The following KCTD1 variants were observed in gnomAD, a reference collection of about 807,000 sequenced individuals.
The protein encoded by KCTD1 is BTB/POZ domain-containing protein KCTD1.
Under a neutral mutation model 66.0 loss-of-function variants are expected in KCTD1, and 24 were observed. That is an observed-to-expected ratio of 0.36 (90% CI 0.26 to 0.51). The LOEUF (loss-of-function observed/expected upper bound fraction) is 0.51. KCTD1 is among the 20% of genes least tolerant of loss of function. The pLI, the probability that KCTD1 is intolerant of heterozygous loss-of-function variation, is 0.95. For missense variants in KCTD1, 943 were observed against 1,205.2 expected (o/e 0.78, Z 3.22); for synonymous variants, 511 against 517.2 (o/e 0.99, Z 0.16).
At chr18:26,629,728 T>G (rs1438822780), upstream of KCTD1, among the ~76,000 whole-genome samples, 1 of 151,122 alleles carries the variant, frequency 6.6e-6, no homozygotes, top group Admixed American at 6.6e-5. Flanking sequence ...CCCCGCCTTT[T>G]TTTTTTTTTG....
In KCTD1 at chr18:26,600,493, G is replaced by C. The variant is rs73944646; in HGVS notation, c.-16+28654C>G. On this transcript the variant is annotated intron_variant, in intron 1 of 4. Transcript: ENST00000317932. ...TAGCAGACAGAGTGAAGCTGGCTGG[G>C]GGGGGTGCAGTGGTGTGTAGTGCTG... 3.9e-5 allele frequency among the ~76,000 whole-genome samples: 6 copies of C among 152,048 alleles called. No homozygotes were observed. In the East Asian group the frequency reaches 1.2e-3, roughly 29 times the overall value.
intron 1 of KCTD1, among the ~76,000 whole-genome samples, chr18:26,592,991 T>C (rs953538170): frequency 6.6e-6 from 1 of 152,222 alleles, no homozygotes; most frequent in Non-Finnish European, 1.5e-5. Flanking sequence ...TCAGTGAAGC[T>C]AATTTCTCCC....
intron 1 of KCTD1, among the ~76,000 whole-genome samples, chr18:26,636,328 G>A (rs930655317): frequency 2.6e-5 from 4 of 152,136 alleles, no homozygotes; most frequent in African/African-American, 9.7e-5. Context: ...TATTATGTGA[G>A]TGATGGTTAT....
At chr18:26,571,706 G>C (rs868440913) in intron 1 of KCTD1, among the ~76,000 whole-genome samples, 1 of 152,056 alleles carries the variant, frequency 6.6e-6, no homozygotes, top group South Asian at 2.1e-4. Context: ...CAGATACATA[G>C]AGCCAACTGT....
At chr18:26,555,366 A>C (rs898782269) in intron 1 of KCTD1, among the ~76,000 whole-genome samples, 9 of 152,242 alleles carry the variant, frequency 5.9e-5, no homozygotes, top group African/African-American at 1.9e-4. Context: ...CGAAGGTTGC[A>C]ATGAGCCGAG....
chr18:26,548,284 GC>G lies in KCTD1; in HGVS notation c.252del (p.Leu85TrpfsTer38), dbSNP rs1457788523. 2 of 1,490,638 alleles carry G rather than the reference GC, an allele frequency of 1.3e-6. No homozygotes were observed. The highest frequency in any genetic ancestry group is 2.1e-5 in the Admixed American group (1 of 48,404). 92.3% of individuals were successfully genotyped at this position (1,490,638 alleles called of 1,614,324 possible). On this transcript the variant is annotated frameshift_variant, in exon 1 of 5. Transcript: ENST00000580059. LOFTEE classifies it high-confidence loss of function. ...TCCTCCTCCTCCTCGTCCTCCTCCA[GC>G]CCCCCACCTCCGTCCTCCTCCTCCT... The part of the protein sequence containing the change: ...DEEEEEDGGG[G>X]LEEDEEEEEE...
intron 1 of KCTD1, among the ~76,000 whole-genome samples, chr18:26,526,770 G>T (rs1321207110): frequency 6.6e-6 from 1 of 151,930 alleles, no homozygotes; most frequent in Admixed American, 6.6e-5. Flanking sequence ...AAAAAGACTA[G>T]GAAATGGAGA....
chr18:26,554,898 G>T (rs1349132414), intron 1 of KCTD1, among the ~76,000 whole-genome samples: 2 of 152,166 alleles, frequency 1.3e-5, no homozygotes, highest in African/African-American at 4.8e-5. Context: ...GGTTAATAAA[G>T]AAGTCAAATG....
At chr18:26,517,658 CAAAAAAAAAAAAA>C (rs968619785) in intron 1 of KCTD1, among the ~76,000 whole-genome samples, 78 of 53,406 alleles carry the variant, frequency 1.5e-3, no homozygotes, top group Non-Finnish European at 1.6e-3. Context: ...ACTCCGTCTC[CAAAAAAAAAAAAA>C]AAAAAAAAAA....
Position 26,547,600 on chromosome 18 carries a change from C to G in KCTD1, c.937G>C (p.Glu313Gln), listed in dbSNP as rs1301227326. The change falls in exon 1 of 5, where the codon GAG (glutamate) becomes CAG (glutamine). Residue 313 changes from glutamate to glutamine, a missense_variant. Transcript: ENST00000580059. ...PFGLLNKVWF[E>Q]TCMYFCTRGR... is the part of the protein sequence containing the mutation. Reference sequence around the variant, plus strand: ...CGGGTACAGAAGTACATGCACGTCTCGAACCAGACCTTGTTGAGCAGCCCG... The same window carrying G: ...CGGGTACAGAAGTACATGCACGTCTGGAACCAGACCTTGTTGAGCAGCCCG... 1 of 1,551,342 alleles carries G rather than the reference C, an allele frequency of 6.4e-7. No individual in the cohort carries two copies. Among genetic ancestry groups the G allele is most frequent in the Admixed American group, 2.0e-5 (1 of 51,008 alleles).
At chr18:26,554,107 G>A (rs1360484912) in intron 1 of KCTD1, among the ~76,000 whole-genome samples, 2 of 132,674 alleles carry the variant, frequency 1.5e-5, no homozygotes, top group African/African-American at 2.6e-5. Flanking sequence ...AAAGAAGGAA[G>A]GAGGGAAAGA....
At chr18:26,600,009 C>A in intron 1 of KCTD1, 1 of 1,611,408 alleles carries the variant, frequency 6.2e-7, no homozygotes, top group Non-Finnish European at 8.5e-7. Context: ...CCCTCTCAGC[C>A]AACGATATGG....
In KCTD1 at chr18:26,620,914, A is replaced by G. The variant is rs534678012; in HGVS notation, c.-16+8233T>C. ...GTGGCGCGATCTCGGCTCACTGCAA[A>G]CTCCGCCTCCCGGGTTCACGCCATT... is the stretch of plus-strand genomic sequence containing the variant. On this transcript the variant is annotated intron_variant, in intron 1 of 4. Coordinates refer to the KCTD1 transcript ENST00000317932. Among the ~76,000 whole-genome samples the G allele has an allele frequency of 3.5e-3, 518 of 149,394 alleles. 1 individual carries two copies. Among genetic ancestry groups the G allele is most frequent in the Non-Finnish European group, 6.2e-3 (421 of 67,430 alleles).
At position 26,655,490 on chromosome 18, in the gene KCTD1, T is replaced by C. The variant is rs150052872; in HGVS notation, c.9+1870A>G. Among the ~76,000 whole-genome samples the C allele has an allele frequency of 2.2e-3, 342 of 152,270 alleles. 1 individual carries two copies. The highest frequency in any genetic ancestry group is 4.8e-3 in the South Asian group (23 of 4,818). On this transcript the variant is annotated intron_variant, in intron 1 of 4. Coordinates refer to the KCTD1 transcript ENST00000580191. The stretch of plus-strand genomic sequence containing the variant: ...CACACATACCGCATAGTCAAGGATT[T>C]GCTTGAAAGCAGCCAGTTCTATTAT...
At chr18:26,636,515 C>T (rs1028520608) in intron 1 of KCTD1, among the ~76,000 whole-genome samples, 3 of 152,196 alleles carry the variant, frequency 2.0e-5, no homozygotes, top group African/African-American at 7.2e-5. Flanking sequence ...TGAGTCCCGA[C>T]CGAAACTCCC....
At chr18:26,580,794 TAAAC>T in intron 1 of KCTD1, among the ~76,000 whole-genome samples, 1 of 152,210 alleles carries the variant, frequency 6.6e-6, no homozygotes. Flanking sequence ...AATGCATAAA[TAAAC>T]AGATAAATCA....
At chr18:26,569,464 G>C (rs1986052902) in intron 1 of KCTD1, among the ~76,000 whole-genome samples, 1 of 152,220 alleles carries the variant, frequency 6.6e-6, no homozygotes, top group Admixed American at 6.5e-5. Flanking sequence ...CAAATGTCAT[G>C]GAAAAGAAAC....
intron 1 of KCTD1, among the ~76,000 whole-genome samples, chr18:26,609,113 A>T (rs937640206): frequency 7.9e-5 from 12 of 152,164 alleles, no homozygotes; most frequent in Admixed American, 3.9e-4. Flanking sequence ...CTCTGGATTT[A>T]TAGGATAAAA....
intron 1 of KCTD1, among the ~76,000 whole-genome samples, chr18:26,520,097 T>C (rs1311234289): frequency 2.0e-5 from 3 of 152,196 alleles, no homozygotes; most frequent in East Asian, 1.9e-4. Flanking sequence ...AGCTCTAAAA[T>C]AGATTTTGCA....
Sources: gnomAD v4.1 joint callset for allele counts (sites outside exome capture counted in the v4.1 genomes callset) on GRCh38, gnomAD v4.1.1 for gene constraint, MANE v1.5 for transcripts, NCBI Gene and HGNC (gene_info 2026-07-23, HGNC 2026-07-21) for gene names.